Variants in MAP4K5 observed in about 807,000 individuals in gnomAD.
MAP4K5 encodes mitogen-activated protein kinase kinase kinase kinase 5.
Under a neutral mutation model 135.6 loss-of-function variants are expected in MAP4K5, and 82 were observed. The ratio of observed to expected loss-of-function variants is 0.60; its 90% CI spans 0.51 to 0.73. The LOEUF is 0.73. MAP4K5 is among the 30% of genes least tolerant of loss of function. The pLI is 0.00. For synonymous variants in MAP4K5, 347 were observed against 335.0 expected (o/e 1.04, Z -0.39); for missense variants, 907 against 1,010.9 (o/e 0.90, Z 1.39).
intron 13 of MAP4K5, among the ~76,000 whole-genome samples, chr14:50,460,437 G>A (rs1424294162): frequency 6.6e-6 from 1 of 152,114 alleles, no homozygotes; most frequent in Non-Finnish European, 1.5e-5. Flanking sequence ...CCAGCAAAAC[G>A]AGATAAAAAA....
At chr14:50,494,480 T>A (rs2037553337) in intron 3 of MAP4K5, among the ~76,000 whole-genome samples, 1 of 152,078 alleles carries the variant, frequency 6.6e-6, no homozygotes, top group Admixed American at 6.5e-5. Context: ...TTAATATTAC[T>A]AAGATGTCAA....
chr14:50,485,037 A>G (rs1484431273), intron 5 of MAP4K5, among the ~76,000 whole-genome samples: 1 of 152,160 alleles, frequency 6.6e-6, no homozygotes, highest in East Asian at 1.9e-4. Flanking sequence ...AACAAAACAA[A>G]TTAAAAGCTA....
chr14:50,473,469 A>G (rs1181236488), intron 9 of MAP4K5, among the ~76,000 whole-genome samples: 2 of 152,184 alleles, frequency 1.3e-5, no homozygotes, highest in Non-Finnish European at 1.5e-5. Flanking sequence ...TTCTAATGAG[A>G]CATTCTTTTT....
Position 50,485,633 on chromosome 14 carries a change from T to G in MAP4K5, c.267A>C (p.Lys89Asn), listed in dbSNP as rs754602707. 4 of 1,544,626 alleles carry G rather than the reference T, an allele frequency of 2.6e-6. No individual in the cohort carries two copies. Among genetic ancestry groups the G allele is most frequent in the South Asian group, 1.2e-5 (1 of 82,992 alleles). Reference sequence around the variant, plus strand: ...CACAGTATTCCATACAAATCCATAGTTTTTCCCGACTAATACAAAAAAAAA... The same window carrying G: ...CACAGTATTCCATACAAATCCATAGGTTTTCCCGACTAATACAAAAAAAAA... ...AYFGSYLSRE[K>N]LWICMEYCGG... Residue 89 changes from lysine to asparagine, a missense_variant, in exon 5 of 33, where the codon AAA becomes AAC. Coordinates refer to ENST00000682126, the MANE Select transcript of MAP4K5 (RefSeq NM_006575.6).
chr14:50,543,271 T>C (rs964621690), intron 1 of MAP4K5, among the ~76,000 whole-genome samples: 2 of 152,254 alleles, frequency 1.3e-5, no homozygotes, highest in Non-Finnish European at 2.9e-5. Flanking sequence ...GCAGAGGCCA[T>C]TGCAGAGATC....
chr14:50,532,603 C>G (rs1440993052), upstream of MAP4K5: 2 of 152,996 alleles, frequency 1.3e-5, no homozygotes, highest in African/African-American at 4.8e-5. Context: ...CACCACGTTC[C>G]CCACCCGGGG....
chr14:50,543,273 G>T (rs2038589163), intron 1 of MAP4K5, among the ~76,000 whole-genome samples: 1 of 152,220 alleles, frequency 6.6e-6, no homozygotes, highest in African/African-American at 2.4e-5. Context: ...AGAGGCCATT[G>T]CAGAGATCCC....
In MAP4K5 at chr14:50,532,568, A is replaced by C. The variant is rs184065494; in HGVS notation, c.-230T>G. 3.5e-3 allele frequency: 526 copies of C among 150,516 alleles called. 16 individuals carry two copies. The East Asian group carries it at 0.081, about 23-fold the overall frequency. 9.3% of individuals were successfully genotyped at this position (150,516 alleles called of 1,614,324 possible). A position where few individuals can be genotyped will look rare whatever the true frequency, so the allele number is the denominator to read the frequency against. On this transcript the variant is annotated 5_prime_UTR_variant, in exon 1 of 33. Transcript: ENST00000682126. ...CCTCTCGGGGGCGGCGGAGGCGCGT[A>C]CAGTCGCCGCCGCCGCCGCCGCCGC...
rs557196172 is a variant in MAP4K5, at chr14:50,428,538, A to G, written c.2326+124T>C. The G allele has an allele frequency of 5.2e-6, 3 of 578,960 alleles. No homozygotes were observed. In the East Asian group the frequency reaches 1.0e-4, roughly 20 times the overall value. 35.9% of individuals were successfully genotyped at this position (578,960 alleles called of 1,614,324 possible). A position where few individuals can be genotyped will look rare whatever the true frequency, so the allele number is the denominator to read the frequency against. ...CCCAAAGTGCTGGGATTACAGGCGT[A>G]GAACATTTCTATCTTTACAGAAATT... On this transcript the variant is annotated intron_variant, in intron 30 of 32. Coordinates refer to ENST00000682126, the MANE Select transcript of MAP4K5 (RefSeq NM_006575.6).
At chr14:50,447,517 T>C in intron 15 of MAP4K5, 36 bp from the exon 16 acceptor site, 1 of 1,178,418 alleles carries the variant, frequency 8.5e-7, no homozygotes, top group Non-Finnish European at 1.2e-6. Context: ...AATGTTACTT[T>C]GTAACAGGTA....
chr14:50,536,084 A>G (rs200924512), upstream of MAP4K5, among the ~76,000 whole-genome samples: 2 of 151,968 alleles, frequency 1.3e-5, no homozygotes, highest in East Asian at 3.8e-4. Flanking sequence ...GTCCAATTAA[A>G]CCTCTTTCTT....
chr14:50,440,644 A>C (rs978397950), intron 21 of MAP4K5, among the ~76,000 whole-genome samples: 5 of 152,166 alleles, frequency 3.3e-5, no homozygotes, highest in African/African-American at 7.2e-5. Context: ...ATTCTATGTT[A>C]GACTAACTCA....
chr14:50,428,622 T>G, intron 30 of MAP4K5, 40 bp downstream of exon 30: 1 of 1,082,278 alleles, frequency 9.2e-7, no homozygotes, highest in Non-Finnish European at 1.3e-6. Context: ...TAATAATCAT[T>G]AAGTATCGCA....
rs112887895 is a variant in MAP4K5, at chr14:50,484,937, C to T, written c.322+641G>A. 1.2e-4 allele frequency among the ~76,000 whole-genome samples: 18 copies of T among 152,142 alleles called. 1 individual carries two copies. The highest frequency in any genetic ancestry group is 4.3e-4 in the African/African-American group (18 of 41,530). On this transcript the variant is annotated intron_variant, in intron 5 of 32. Transcript: ENST00000682126. ...GTAGCTGCAATGGGAGTTTTACTAT[C>T]CCATATCCATGTTAAACAAGGAGAA... is the stretch of plus-strand genomic sequence containing the variant.
At chr14:50,469,458 C>T (rs1050311497) in intron 9 of MAP4K5, among the ~76,000 whole-genome samples, 5 of 152,032 alleles carry the variant, frequency 3.3e-5, no homozygotes, top group Non-Finnish European at 5.9e-5. Flanking sequence ...ACTGTTTATA[C>T]AAAAAAGGTT....
At chr14:50,425,508 A>G (rs1370643567) in intron 31 of MAP4K5, among the ~76,000 whole-genome samples, 1 of 152,166 alleles carries the variant, frequency 6.6e-6, no homozygotes. Flanking sequence ...AAATGAGTCA[A>G]TTTTCTTAGA....
At chr14:50,494,876 T>A (rs957732900) in intron 3 of MAP4K5, among the ~76,000 whole-genome samples, 6 of 152,124 alleles carry the variant, frequency 3.9e-5, no homozygotes, top group African/African-American at 1.4e-4. Context: ...AACTGGATAT[T>A]CACATGCAAA....
chr14:50,464,022 G>A, intron 12 of MAP4K5, 30 bp downstream of exon 12: 1 of 1,283,026 alleles, frequency 7.8e-7, no homozygotes, highest in Non-Finnish European at 1.1e-6. Context: ...TATGACTATA[G>A]GAAGACCCCT....
chr14:50,524,030 CTA>C (rs2038207639), intron 2 of MAP4K5, among the ~76,000 whole-genome samples: 1 of 152,282 alleles, frequency 6.6e-6, no homozygotes, highest in South Asian at 2.1e-4. Flanking sequence ...AAAATCCATC[CTA>C]TGTTTTTTCC....
Sources: gnomAD v4.1 joint callset for allele counts (sites outside exome capture counted in the v4.1 genomes callset) on GRCh38, gnomAD v4.1.1 for gene constraint, MANE v1.5 for transcripts, NCBI Gene and HGNC (gene_info 2026-07-23, HGNC 2026-07-21) for gene names.